The following CXorf58 variants were observed in gnomAD, a reference collection of about 807,000 sequenced individuals.
CXorf58 encodes the protein uncharacterized protein CXorf58.
In CXorf58, 24 loss-of-function variants were observed where a neutral mutation model predicts 26.0. The ratio of observed to expected loss-of-function variants is 0.92; its 90% confidence interval spans 0.67 to 1.30. The LOEUF is 1.30. CXorf58 is among the 50% of genes most tolerant of loss of function. The pLI is 0.00. For missense variants in CXorf58, 236 were observed against 263.9 expected, an observed-to-expected ratio of 0.89 and a Z score of 0.73; for synonymous variants, 87 against 86.1, an observed-to-expected ratio of 1.01 and a Z score of -0.06.
chrX:23,915,916 T>G (rs1927708770), intron 4 of CXorf58, 122 bp downstream of exon 4: 2 of 480,377 alleles, frequency 4.2e-6, no homozygotes, highest in Admixed American at 8.3e-5. Flanking sequence ...TGTGTTATTC[T>G]TATTTACATT....
intron 8 of CXorf58, 80 bp from the exon 9 acceptor site, chrX:23,939,160 GATAA>G: frequency 1.7e-6 from 1 of 604,248 alleles, no homozygotes; most frequent in Non-Finnish European, 2.7e-6. Flanking sequence ...TTGAGATGAG[GATAA>G]ATATAGTCAA....
At chrX:23,933,093 TGAGACCTGCCTGGGCAACACAGC>T (rs1928204018) in intron 6 of CXorf58, among the ~76,000 whole-genome samples, 1 of 110,191 alleles carries the variant, frequency 9.1e-6, no homozygotes, top group Non-Finnish European at 1.9e-5. Context: ...CCCAGGAGTT[TGAGACCTGCCTGGGCAACACAGC>T]GAGACCCCAT....
chrX:23,914,495 A>C (rs751139048), intron 3 of CXorf58, among the ~76,000 whole-genome samples: 9 of 112,221 alleles, frequency 8.0e-5, no homozygotes, highest in Admixed American at 9.5e-5. Context: ...GAACTAAATG[A>C]ATCCTGGCTT....
At chrX:23,912,291 G>T (rs1389205134) in intron 3 of CXorf58, among the ~76,000 whole-genome samples, 5 of 111,172 alleles carry the variant, frequency 4.5e-5, no homozygotes, top group Non-Finnish European at 9.4e-5. Flanking sequence ...AATATCACGT[G>T]GAGTTCTGGA....
chrX:23,909,318 A>G (rs1329924738), intron 1 of CXorf58, among the ~76,000 whole-genome samples: 1 of 111,767 alleles, frequency 8.9e-6, no homozygotes, highest in Non-Finnish European at 1.9e-5. Flanking sequence ...TATAGTGTAG[A>G]TAACAAGCCA....
At chrX:23,920,061 A>G (rs1268703005) in intron 5 of CXorf58, among the ~76,000 whole-genome samples, 5 of 112,414 alleles carry the variant, frequency 4.4e-5, no homozygotes, top group Non-Finnish European at 9.4e-5. Flanking sequence ...GGGTAAAACA[A>G]GCACCCTTGT....
intron 5 of CXorf58, among the ~76,000 whole-genome samples, chrX:23,922,424 G>T (rs898252769): frequency 9.0e-6 from 1 of 111,081 alleles, no homozygotes; most frequent in Admixed American, 9.7e-5. Flanking sequence ...CTTGCCTAAG[G>T]TCTCACACCT....
chrX:23,937,120 T>C (rs1035799872), intron 7 of CXorf58, among the ~76,000 whole-genome samples: 23 of 112,050 alleles, frequency 2.1e-4, no homozygotes, highest in Non-Finnish European at 3.2e-4. Context: ...GACAGAGATT[T>C]AGGAGGTGAT....
intron 6 of CXorf58, among the ~76,000 whole-genome samples, chrX:23,930,215 A>G (rs1305766132): frequency 9.3e-6 from 1 of 107,176 alleles, no homozygotes; most frequent in African/African-American, 3.4e-5. Flanking sequence ...AAAAAAAAAA[A>G]AAGAAAAAAG....
chrX:23,928,524 C>T (rs1202186176), intron 6 of CXorf58, among the ~76,000 whole-genome samples: 1 of 111,547 alleles, frequency 9.0e-6, no homozygotes, highest in Non-Finnish European at 1.9e-5. Flanking sequence ...GGCAAACCTG[C>T]ATCAAGCAAA....
At chrX:23,913,141 C>T (rs1460904418) in intron 3 of CXorf58, among the ~76,000 whole-genome samples, 1 of 110,908 alleles carries the variant, frequency 9.0e-6, no homozygotes, top group African/African-American at 3.3e-5. Flanking sequence ...TCTAATAAAA[C>T]AACCTATAAA....
Position 23,935,186 on chromosome X carries a change from T to C in CXorf58, c.556-10T>C. 1 of 1,190,976 alleles carries C rather than the reference T, an allele frequency of 8.4e-7. No homozygotes were observed. The highest frequency in any genetic ancestry group is 1.1e-6 in the Non-Finnish European group (1 of 878,253). ...TGGCCAACTTAATCGTTCTTGTTTTTTCCCTACAGTATCGCAGTTTTTTCG... is the reference window on the plus strand; with the variant it reads ...TGGCCAACTTAATCGTTCTTGTTTTCTCCCTACAGTATCGCAGTTTTTTCG... On this transcript the variant is annotated splice_polypyrimidine_tract_variant and intron_variant, in intron 6 of 8. Coordinates refer to ENST00000379211, the MANE Select transcript of CXorf58 (RefSeq NM_152761.3).
At chrX:23,930,926 A>T (rs761654437) in intron 6 of CXorf58, among the ~76,000 whole-genome samples, 32 of 110,180 alleles carry the variant, frequency 2.9e-4, no homozygotes, top group African/African-American at 9.9e-4. Context: ...AAGTATGTAC[A>T]TTTTTTTTTA....
chrX:23,935,778 CTT>C (rs779736739), intron 7 of CXorf58, among the ~76,000 whole-genome samples: 2 of 102,000 alleles, frequency 2.0e-5, no homozygotes. Context: ...GCGTAGTTGC[CTT>C]TTTTTTTTTT....
chrX:23,931,898 C>G (rs1456400407), intron 6 of CXorf58, among the ~76,000 whole-genome samples: 1 of 112,428 alleles, frequency 8.9e-6, no homozygotes, highest in Admixed American at 9.5e-5. Flanking sequence ...AAACCCAACA[C>G]ATTTAGAACA....
In CXorf58 at chrX:23,935,197, A is replaced by G. The variant is rs1376903341; in HGVS notation, c.557A>G (p.Tyr186Cys). The G allele has an allele frequency of 1.7e-6, 2 of 1,202,255 alleles. No individual in the cohort carries two copies. Among genetic ancestry groups the G allele is most frequent in the Non-Finnish European group, 2.3e-6 (2 of 887,501 alleles). ...DVVTMQDYVQ[Y>C]RSFFDEAPAF... The stretch of plus-strand genomic sequence containing the variant: ...ATCGTTCTTGTTTTTTCCCTACAGT[A>G]TCGCAGTTTTTTCGATGAGGCCCCT... The change falls in exon 7 of 9, where the codon TAT becomes TGT. Residue 186 changes from tyrosine to cysteine, a missense_variant and splice_region_variant. Physicochemically the swap from Tyr to Cys is radical, Grantham distance 194. Coordinates refer to ENST00000379211, the MANE Select transcript of CXorf58 (RefSeq NM_152761.3).
Position 23,908,012 on chromosome X carries a change from G to C in CXorf58, c.-338G>C, listed in dbSNP as rs981152816. 8.6e-6 allele frequency: 2 copies of C among 233,385 alleles called. No individual in the cohort carries two copies. Among genetic ancestry groups the C allele is most frequent in the Non-Finnish European group, 1.5e-5 (2 of 129,817 alleles). The allele number at this position is 233,385 out of a possible 1,213,427, so 19.2% of individuals were successfully genotyped here. On this transcript the variant is annotated 5_prime_UTR_variant, in exon 1 of 9. Transcript: ENST00000379211. ...AAGAAAGCGCCGGCTCTGTGTGGAC[G>C]GTACGCGGAGGCGCGAGGAGGGAGG...
chrX:23,917,011 G>GA (rs1371290483), intron 5 of CXorf58, among the ~76,000 whole-genome samples: 2 of 109,020 alleles, frequency 1.8e-5, no homozygotes, highest in African/African-American at 3.3e-5. Context: ...AGCACATTTA[G>GA]AAAAAAAATG....
chrX:23,915,082 C>T (rs761359712), intron 3 of CXorf58, among the ~76,000 whole-genome samples: 3 of 112,485 alleles, frequency 2.7e-5, no homozygotes, highest in East Asian at 2.8e-4. Flanking sequence ...TGCAGTGAGC[C>T]GAGATCATGC....
Sources: gnomAD v4.1 joint callset for allele counts (sites outside exome capture counted in the v4.1 genomes callset) on GRCh38, gnomAD v4.1.1 for gene constraint, MANE v1.5 for transcripts, NCBI Gene and HGNC (gene_info 2026-07-23, HGNC 2026-07-21) for gene names.